NDUFAF2: variants seen among roughly 807,000 people sequenced by gnomAD.
NDUFAF2 encodes NADH dehydrogenase [ubiquinone] 1 alpha subcomplex assembly factor 2.
Under a neutral mutation model 22.8 loss-of-function variants are expected in NDUFAF2, and 13 were observed. The ratio of observed to expected loss-of-function variants is 0.57; its 90% CI spans 0.37 to 0.91. The LOEUF is 0.91. Ranked by LOEUF, NDUFAF2 falls within the 40% of genes least tolerant of loss-of-function variation. The pLI, the probability that NDUFAF2 is intolerant of heterozygous loss-of-function variation, is 0.01. For synonymous variants in NDUFAF2, 53 were observed against 64.2 expected (o/e 0.83, Z 0.84); for missense variants, 162 against 195.2 (o/e 0.83, Z 1.01).
At chr5:60,945,433 G>A (rs201103085) in intron 1 of NDUFAF2, 51 bp downstream of exon 1, 21 of 1,613,670 alleles carry the variant, frequency 1.3e-5, no homozygotes, top group Non-Finnish European at 1.8e-5. Flanking sequence ...TGCGAGGTCA[G>A]TAAAGGAGGG....
At chr5:60,981,502 C>G (rs552358413) in intron 1 of NDUFAF2, among the ~76,000 whole-genome samples, 2 of 152,116 alleles carry the variant, frequency 1.3e-5, no homozygotes, top group Admixed American at 1.3e-4. Flanking sequence ...ACAGAACTTA[C>G]TGGTAATAAT....
At chr5:61,149,541 A>G (rs1421990378) in intron 3 of NDUFAF2, among the ~76,000 whole-genome samples, 2 of 152,204 alleles carry the variant, frequency 1.3e-5, no homozygotes, top group African/African-American at 4.8e-5. Context: ...GTAGTTGTTA[A>G]GTAAATCATG....
intron 1 of NDUFAF2, among the ~76,000 whole-genome samples, chr5:60,974,986 T>C (rs1750883310): frequency 6.6e-6 from 1 of 152,010 alleles, no homozygotes. Flanking sequence ...CAGCTTATTT[T>C]TTAGTAGAGA....
chr5:61,093,126 A>AAGG (rs1342050031), intron 2 of NDUFAF2, among the ~76,000 whole-genome samples: 1 of 152,170 alleles, frequency 6.6e-6, no homozygotes, highest in African/African-American at 2.4e-5. Context: ...GTAAGTCCAG[A>AAGG]AGGCTCAGCA....
At chr5:61,145,509 T>G (rs921366967) in intron 3 of NDUFAF2, among the ~76,000 whole-genome samples, 10 of 152,172 alleles carry the variant, frequency 6.6e-5, no homozygotes, top group Admixed American at 1.3e-4. Context: ...AATCCAAAAC[T>G]TTTTGAGCAC....
intron 1 of NDUFAF2, among the ~76,000 whole-genome samples, chr5:61,020,759 C>G (rs1280412321): frequency 6.6e-6 from 1 of 152,024 alleles, no homozygotes; most frequent in Non-Finnish European, 1.5e-5. Context: ...AGCACAATCT[C>G]TGCTCACTGC....
rs536737873 is a variant in NDUFAF2 at position 61,130,141 on chromosome 5, CT to C, written c.259-22559del. ...TTTACCTAGCAAATGGTAAGACAAACTTTTAGTTTGTATCTTTAACTGGTAC... is the reference window on the plus strand; with the variant it reads ...TTTACCTAGCAAATGGTAAGACAAACTTTAGTTTGTATCTTTAACTGGTAC... On this transcript the variant is annotated intron_variant, in intron 3 of 3. Transcript: ENST00000296597. Among the ~76,000 whole-genome samples the C allele has an allele frequency of 2.2e-4, 33 of 152,172 alleles. No homozygotes were observed. The South Asian group carries it at 6.9e-3, about 32-fold the overall frequency.
intron 1 of NDUFAF2, among the ~76,000 whole-genome samples, chr5:61,054,026 C>T (rs1752057766): frequency 6.6e-6 from 1 of 151,930 alleles, no homozygotes; most frequent in African/African-American, 2.4e-5. Context: ...CATCACGAGA[C>T]CCCATCTCTA....
intron 1 of NDUFAF2, among the ~76,000 whole-genome samples, chr5:61,059,111 A>G (rs1752133435): frequency 6.6e-6 from 1 of 152,066 alleles, no homozygotes; most frequent in Non-Finnish European, 1.5e-5. Context: ...AAATGAAGTA[A>G]AGGCATTTCT....
chr5:60,955,432 G>A (rs1025365956), intron 1 of NDUFAF2, among the ~76,000 whole-genome samples: 1 of 152,068 alleles, frequency 6.6e-6, no homozygotes, highest in Non-Finnish European at 1.5e-5. Context: ...TATATGTCTG[G>A]TTTTATACTG....
intron 1 of NDUFAF2, among the ~76,000 whole-genome samples, chr5:61,033,799 C>T (rs1053128750): frequency 5.3e-5 from 8 of 151,762 alleles, no homozygotes; most frequent in Non-Finnish European, 8.8e-5. Flanking sequence ...GTTACAACCT[C>T]AAACAAAAAA....
chr5:60,981,789 A>G (rs1182613327), intron 1 of NDUFAF2, among the ~76,000 whole-genome samples: 2 of 152,186 alleles, frequency 1.3e-5, no homozygotes, highest in Non-Finnish European at 2.9e-5. Context: ...GAGAATCCAG[A>G]AGTAAATCTG....
At chr5:61,096,929 A>C (rs945790762) in intron 2 of NDUFAF2, among the ~76,000 whole-genome samples, 1 of 152,192 alleles carries the variant, frequency 6.6e-6, no homozygotes, top group Admixed American at 6.6e-5. Context: ...ACACCATTGC[A>C]CTACAGCCTG....
chr5:61,019,927 A>C (rs1317607604), intron 1 of NDUFAF2, among the ~76,000 whole-genome samples: 2 of 152,114 alleles, frequency 1.3e-5, no homozygotes, highest in Admixed American at 6.5e-5. Context: ...AAAATTTAAC[A>C]GTTAGATATT....
chr5:61,124,221 GC>G (rs1753008635), intron 3 of NDUFAF2, among the ~76,000 whole-genome samples: 1 of 151,960 alleles, frequency 6.6e-6, no homozygotes, highest in Non-Finnish European at 1.5e-5. Context: ...TTTCAATTCA[GC>G]AAATATTTAT....
intron 1 of NDUFAF2, among the ~76,000 whole-genome samples, chr5:60,997,277 G>T (rs1751239783): frequency 6.6e-6 from 1 of 152,058 alleles, no homozygotes; most frequent in Non-Finnish European, 1.5e-5. Context: ...AGTCCCTTTT[G>T]TAACTCATTA....
Position 61,074,684 on chromosome 5 carries a change from C to T in NDUFAF2, c.217+1470C>T, listed in dbSNP as rs546543643. Among the ~76,000 whole-genome samples, 5 of 152,206 alleles carry T rather than the reference C, an allele frequency of 3.3e-5. 1 individual carries two copies. The highest frequency in any genetic ancestry group is 4.8e-5 in the African/African-American group (2 of 41,532). The stretch of plus-strand genomic sequence containing the variant: ...CTGAGGCAGGAGAATCGCTTGAACC[C>T]GGGAGGCAGAGGTTGCAGTGAGCTG... On this transcript the variant is annotated intron_variant, in intron 2 of 3. Transcript: ENST00000296597.
At chr5:61,089,645 C>T (rs1350465937) in intron 2 of NDUFAF2, among the ~76,000 whole-genome samples, 4 of 151,978 alleles carry the variant, frequency 2.6e-5, no homozygotes, top group Non-Finnish European at 5.9e-5. Context: ...AAGCTTATTT[C>T]AGTAGTTATG....
intron 3 of NDUFAF2, among the ~76,000 whole-genome samples, chr5:61,133,771 A>G (rs1271652312): frequency 6.6e-6 from 1 of 152,232 alleles, no homozygotes; most frequent in African/African-American, 2.4e-5. Context: ...AGCCACATTC[A>G]TTCATTTCGC....
Sources: gnomAD v4.1 joint callset for allele counts (sites outside exome capture counted in the v4.1 genomes callset) on GRCh38, gnomAD v4.1.1 for gene constraint, MANE v1.5 for transcripts, NCBI Gene and HGNC (gene_info 2026-07-23, HGNC 2026-07-21) for gene names.